Variants in MLXIP observed in about 807,000 individuals in gnomAD.
MLXIP encodes MLX-interacting protein.
In MLXIP, 30 loss-of-function variants were observed where a neutral mutation model predicts 87.2. The ratio of observed to expected loss-of-function variants is 0.34; its 90% CI spans 0.26 to 0.47. MLXIP has a LOEUF of 0.47. Ranked by LOEUF, MLXIP falls within the 20% of genes least tolerant of loss-of-function variation. MLXIP has a pLI of 1.00. For missense variants in MLXIP, 1,002 were observed against 1,240.1 expected (o/e 0.81, Z 2.88); for synonymous variants, 530 against 514.0 (o/e 1.03, Z -0.42).
In MLXIP at chr12:122,141,742, A is replaced by C. The variant is rs1593123659; in HGVS notation, c.2690A>C (p.Asp897Ala). The C allele has an allele frequency of 6.2e-7, 1 of 1,613,758 alleles. No homozygotes were observed. Among genetic ancestry groups the C allele is most frequent in the Non-Finnish European group, 8.5e-7 (1 of 1,179,864 alleles). Residue 897 changes from aspartate to alanine, a missense_variant, in exon 17 of 17, where the codon GAC becomes GCC. Asp to Ala is a moderately radical substitution (Grantham distance 126). Around this residue, in one of 3 missense-constraint regions of MLXIP, gnomAD observed 746 missense variants for 897.0 expected, o/e 0.83. Coordinates refer to ENST00000319080, the MANE Select transcript of MLXIP (RefSeq NM_014938.6). ...QLSTSTSILT[D>A]PAQLPEQASK... ...AGCACCTCCACCTCCATCCTCACAGACCCGGCACAGCTGCCAGAGCAGGCG... is the reference window on the plus strand; with the variant it reads ...AGCACCTCCACCTCCATCCTCACAGCCCCGGCACAGCTGCCAGAGCAGGCG...
At chr12:122,116,088 A>AC (rs1565973946) in intron 1 of MLXIP, among the ~76,000 whole-genome samples, 2 of 146,062 alleles carry the variant, frequency 1.4e-5, no homozygotes, top group African/African-American at 2.5e-5. Flanking sequence ...ACACACACAC[A>AC]ACATTGACAT....
intron 1 of MLXIP, among the ~76,000 whole-genome samples, chr12:122,079,786 A>G (rs907102922): frequency 1.3e-5 from 2 of 152,202 alleles, no homozygotes; most frequent in African/African-American, 4.8e-5. Flanking sequence ...TGAGATAGGT[A>G]AATTGCTTAT....
intron 1 of MLXIP, among the ~76,000 whole-genome samples, chr12:122,080,568 AC>A (rs774799373): frequency 2.0e-5 from 3 of 151,940 alleles, no homozygotes; most frequent in Admixed American, 6.6e-5. Flanking sequence ...TTCCTGAAAC[AC>A]CCCTATTTCC....
intron 1 of MLXIP, among the ~76,000 whole-genome samples, chr12:122,103,840 G>GTTTTTTTTTTT (rs377424471): frequency 7.0e-6 from 1 of 142,834 alleles, no homozygotes; most frequent in African/African-American, 2.5e-5. Context: ...AATTTTGTTT[G>GTTTTTTTTTTT]TTTTTTTTTT....
chr12:122,133,142 AT>A lies in MLXIP; in HGVS notation c.1093-203del, dbSNP rs1953010140. 3.9e-6 allele frequency: 2 copies of A among 510,194 alleles called. No individual in the cohort carries two copies. Among genetic ancestry groups the A allele is most frequent in the Non-Finnish European group, 6.6e-6 (2 of 301,540 alleles). The allele number at this position is 510,194 out of a possible 1,614,324, so 31.6% of individuals were successfully genotyped here. On this transcript the variant is annotated intron_variant, in intron 8 of 16. Coordinates refer to ENST00000319080, the MANE Select transcript of MLXIP (RefSeq NM_014938.6). This position sits in a 1 kb window ranked among gnomAD's most constrained non-coding sequence, Gnocchi z 4.9. Reference sequence around the variant, plus strand: ...CGTTGCCTTATCTGAGCTCTGAGTTATTTAGTTTTTAATGGAAACAAGACCC... The same window carrying A: ...CGTTGCCTTATCTGAGCTCTGAGTTATTAGTTTTTAATGGAAACAAGACCC...
intron 1 of MLXIP, among the ~76,000 whole-genome samples, chr12:122,102,016 C>A (rs1952446010): frequency 6.6e-6 from 1 of 152,152 alleles, no homozygotes; most frequent in South Asian, 2.1e-4. Context: ...GTTTATAGCT[C>A]TTCTCATTAT....
rs572483636 is a variant in MLXIP, at chr12:122,137,503, G to A, written c.2067G>A (p.Pro689=). Reference sequence around the variant, plus strand: ...GCCCAAACTCAGGGCAGGCCTCTCCGTGTGCATCGGAGCAGAGCCCCAGTC... The same window carrying A: ...GCCCAAACTCAGGGCAGGCCTCTCCATGTGCATCGGAGCAGAGCCCCAGTC... ...RDCPNSGQAS[P]CASEQSPSPQ... Residue 689 remains proline, a synonymous_variant, in exon 12 of 17, where the codon CCG becomes CCA. Transcript: ENST00000319080. This position sits in a 1 kb window ranked among gnomAD's most constrained non-coding sequence, Gnocchi z 4.1. 28 of 1,614,016 alleles carry A rather than the reference G, an allele frequency of 1.7e-5. No individual in the cohort carries two copies. The Middle Eastern group carries it at 4.9e-4, about 29-fold the overall frequency.
rs1406021099 is a variant in MLXIP, at chr12:122,094,602, TTG to T, written c.413+15345_413+15346del. 4.2e-4 allele frequency among the ~76,000 whole-genome samples: 52 copies of T among 123,442 alleles called. No individual in the cohort carries two copies. In the East Asian group the frequency reaches 8.9e-3, roughly 21 times the overall value. 81.0% of individuals were successfully genotyped at this position (123,442 alleles called of 152,430 possible). A position where few individuals can be genotyped will look rare whatever the true frequency, so the allele number is the denominator to read the frequency against. On this transcript the variant is annotated intron_variant, in intron 1 of 16. Transcript: ENST00000319080. ...TGGTGTGTTGGTGTGTGTGTTGGTG[TTG>T]TGTGTGTGGTGTATGTTTTCGGTGT...
intron 15 of MLXIP, 106 bp from the exon 16 acceptor site, chr12:122,140,848 A>C: frequency 6.5e-7 from 1 of 1,542,334 alleles, no homozygotes; most frequent in Non-Finnish European, 9.0e-7. Context: ...CTGTGGGCAG[A>C]TACTTTCCAG....
chr12:122,123,296 A>G (rs1351010125), intron 1 of MLXIP, among the ~76,000 whole-genome samples: 1 of 152,216 alleles, frequency 6.6e-6, no homozygotes, highest in Non-Finnish European at 1.5e-5. Flanking sequence ...CTGGGGGTGC[A>G]GGCCGTCGAC....
At position 122,135,254 on chromosome 12, in the gene MLXIP, T is replaced by G. The variant is rs1166282849; in HGVS notation, c.1763T>G (p.Ile588Ser). ...AAFSGQPQAV[I>S]MTSGPLKREG... ...TTTTCAGGCCAACCACAAGCGGTGATCATGACGTCAGGGCCTCTGAAGAGA... is the reference window on the plus strand; with the variant it reads ...TTTTCAGGCCAACCACAAGCGGTGAGCATGACGTCAGGGCCTCTGAAGAGA... The change falls in exon 10 of 17, where the codon ATC (isoleucine) becomes AGC (serine). Residue 588 changes from isoleucine (I) to serine (S), a missense_variant. By Grantham distance (142) the Ile-to-Ser change is moderately radical. Around this residue, in one of 3 missense-constraint regions of MLXIP, gnomAD observed 746 missense variants for 897.0 expected, o/e 0.83. Transcript: ENST00000319080. The surrounding 1 kb of genome is among the most constrained non-coding windows in gnomAD (Gnocchi z 5.3). 4.3e-6 allele frequency: 7 copies of G among 1,613,420 alleles called. No homozygotes were observed. The Admixed American group carries it at 6.7e-5, about 15-fold the overall frequency.
intron 1 of MLXIP, among the ~76,000 whole-genome samples, chr12:122,107,481 G>A (rs985084148): frequency 6.6e-6 from 1 of 152,156 alleles, no homozygotes; most frequent in African/African-American, 2.4e-5. Context: ...GGTTCCCACA[G>A]CACAGTGAGT....
chr12:122,086,826 C>T (rs982011647), intron 1 of MLXIP, among the ~76,000 whole-genome samples: 7 of 152,074 alleles, frequency 4.6e-5, no homozygotes, highest in Admixed American at 2.0e-4. Flanking sequence ...AGGTCCCCCG[C>T]GGGGGAGATG....
At chr12:122,121,010 GTTTT>G (rs1233404015) in intron 1 of MLXIP, among the ~76,000 whole-genome samples, 20,277 of 111,920 alleles carry the variant, frequency 0.18, 2,292 homozygotes, top group Middle Eastern at 0.25. Context: ...TGCATGCTTG[GTTTT>G]TTTTTTTTTT....
Position 122,135,222 on chromosome 12 carries a change from A to G in MLXIP, c.1733-2A>G. 1 of 1,613,012 alleles carries G rather than the reference A, an allele frequency of 6.2e-7. No homozygotes were observed. Among genetic ancestry groups the G allele is most frequent in the Non-Finnish European group, 8.5e-7 (1 of 1,179,690 alleles). On this transcript the variant is annotated splice_acceptor_variant, in intron 9 of 16. Transcript: ENST00000319080. LOFTEE classifies it high-confidence loss of function. This position sits in a 1 kb window ranked among gnomAD's most constrained non-coding sequence, Gnocchi z 5.3. ...ACCTGAACATCCTCCTTATCCTGGCAGCTGCCTTTTCAGGCCAACCACAAG... is the reference window on the plus strand; with the variant it reads ...ACCTGAACATCCTCCTTATCCTGGCGGCTGCCTTTTCAGGCCAACCACAAG...
intron 1 of MLXIP, among the ~76,000 whole-genome samples, chr12:122,116,976 C>T (rs755263103): frequency 5.9e-5 from 9 of 152,224 alleles, no homozygotes; most frequent in Non-Finnish European, 8.8e-5. Flanking sequence ...GTCACCATTG[C>T]AGGCAGGCAC....
intron 15 of MLXIP, among the ~76,000 whole-genome samples, chr12:122,139,641 G>A (rs1029003115): frequency 6.6e-6 from 1 of 152,240 alleles, no homozygotes; most frequent in African/African-American, 2.4e-5. Context: ...CGCAGCACCT[G>A]TGTGTGCTGG....
At chr12:122,086,265 G>A (rs1952166995) in intron 1 of MLXIP, among the ~76,000 whole-genome samples, 1 of 152,100 alleles carries the variant, frequency 6.6e-6, no homozygotes, top group Admixed American at 6.5e-5. Context: ...CTAAGTTTGC[G>A]GTAATTTGTT....
intron 3 of MLXIP, 105 bp downstream of exon 3, chr12:122,128,073 T>G: frequency 9.8e-6 from 10 of 1,023,260 alleles, no homozygotes; most frequent in Non-Finnish European, 1.5e-5. Flanking sequence ...CCGAGGGTAG[T>G]GCAGCGCCTG....
Sources: gnomAD v4.1 joint callset for allele counts (sites outside exome capture counted in the v4.1 genomes callset) on GRCh38, gnomAD v4.1.1 for gene constraint, gnomAD v4.1.1 regional missense constraint, Gnocchi (gnomAD v3.1) non-coding constraint, MANE v1.5 for transcripts, NCBI Gene and HGNC (gene_info 2026-07-23, HGNC 2026-07-21) for gene names.